Variants in UBR3 observed in about 807,000 individuals in gnomAD.
The protein encoded by UBR3 is ubiquitin protein ligase E3 component n-recognin 3.
Under a neutral mutation model 243.2 loss-of-function variants are expected in UBR3, and 85 were observed. That is an observed-to-expected ratio of 0.35 (90% confidence interval 0.29 to 0.42). The LOEUF (loss-of-function observed/expected upper bound fraction) is 0.42, where lower values mean the gene tolerates loss of function less well. UBR3 is among the 10% of genes least tolerant of loss of function. The pLI, the probability that UBR3 is intolerant of heterozygous loss-of-function variation, is 1.00. For synonymous variants in UBR3, 748 were observed against 799.8 expected, an observed-to-expected ratio of 0.94 and a Z score of 1.09; for missense variants, 1,686 against 2,300.8, an observed-to-expected ratio of 0.73 and a Z score of 5.47.
At chr2:169,978,658 C>T (rs2088579037) in intron 24 of UBR3, among the ~76,000 whole-genome samples, 1 of 151,902 alleles carries the variant, frequency 6.6e-6, no homozygotes, top group Non-Finnish European at 1.5e-5. Flanking sequence ...CTCTGTGATC[C>T]CAGGTGCAGT....
intron 1 of UBR3, among the ~76,000 whole-genome samples, chr2:169,833,007 T>C (rs1223764748): frequency 6.6e-6 from 1 of 152,010 alleles, no homozygotes; most frequent in Non-Finnish European, 1.5e-5. Flanking sequence ...TAAAATACAC[T>C]CGTTCCTCAG....
intron 36 of UBR3, chr2:170,078,340 G>A (rs986470228): frequency 7.6e-6 from 2 of 262,276 alleles, no homozygotes; most frequent in Admixed American, 5.6e-5. Context: ...TCAATTTTTG[G>A]GTCTCAGAGA....
Position 169,933,093 on chromosome 2 carries a change from T to C in UBR3, c.2663+85T>C, listed in dbSNP as rs535778137. 3 of 884,084 alleles carry C rather than the reference T, an allele frequency of 3.4e-6. No individual in the cohort carries two copies. In the East Asian group the frequency reaches 9.3e-5, roughly 28 times the overall value. 54.8% of individuals were successfully genotyped at this position (884,084 alleles called of 1,614,324 possible). ...CAGTGATAACACAGATATGATATGC[T>C]CTCATTAAAGTATACTTTCATTCTT... On this transcript the variant is annotated intron_variant, in intron 19 of 38. Coordinates refer to ENST00000272793, the MANE Select transcript of UBR3 (RefSeq NM_172070.4).
chr2:169,903,164 T>G (rs2084894010), intron 8 of UBR3, among the ~76,000 whole-genome samples: 1 of 152,348 alleles, frequency 6.6e-6, no homozygotes, highest in South Asian at 2.1e-4. Flanking sequence ...ATATCTGTAA[T>G]GAGGAAAGTA....
At chr2:170,002,478 A>C (rs2089747964) in intron 27 of UBR3, among the ~76,000 whole-genome samples, 1 of 152,212 alleles carries the variant, frequency 6.6e-6, no homozygotes, top group Non-Finnish European at 1.5e-5. Flanking sequence ...GTCATTAAGA[A>C]AACAGCGTCT....
chr2:169,947,387 T>C, intron 21 of UBR3, 155 bp from the exon 22 acceptor site: 2 of 545,380 alleles, frequency 3.7e-6, no homozygotes, highest in Non-Finnish European at 5.6e-6. Context: ...TTGGTTTTAT[T>C]ATTTAAATTT....
intron 1 of UBR3, among the ~76,000 whole-genome samples, chr2:169,835,993 G>GTCCCCCCCTCTCTCTCTCTC (rs1194152380): frequency 3.3e-5 from 1 of 30,728 alleles, no homozygotes; most frequent in Non-Finnish European, 6.2e-5. Context: ...TGTGTGCACT[G>GTCCCCCCCTCTCTCTCTCTC]TCTCTCTCTC....
At chr2:169,994,180 A>G (rs1559167472) in intron 25 of UBR3, 143 bp from the exon 26 acceptor site, 1 of 894,468 alleles carries the variant, frequency 1.1e-6, no homozygotes, top group East Asian at 2.6e-5. Context: ...AAACTAGAAT[A>G]CCACTTTTTT....
chr2:170,011,621 C>A (rs1574392969), intron 29 of UBR3, among the ~76,000 whole-genome samples: 1 of 125,446 alleles, frequency 8.0e-6, no homozygotes. Context: ...AGTTTTACAG[C>A]TTTTCTTTTT....
chr2:169,946,915 C>G (rs923389572), intron 21 of UBR3, among the ~76,000 whole-genome samples: 5 of 152,006 alleles, frequency 3.3e-5, no homozygotes, highest in Admixed American at 2.6e-4. Flanking sequence ...GTTTAAAGTA[C>G]TTAAAAGTTG....
At chr2:169,932,755 A>C (rs2086183901) in intron 18 of UBR3, among the ~76,000 whole-genome samples, 157 bp from the exon 19 acceptor site, 2 of 152,236 alleles carry the variant, frequency 1.3e-5, no homozygotes, top group South Asian at 4.1e-4. Flanking sequence ...TGACTTAGAA[A>C]AGTAATCATG....
At chr2:170,015,570 C>T (rs1440796914) in intron 30 of UBR3, among the ~76,000 whole-genome samples, 3 of 131,784 alleles carry the variant, frequency 2.3e-5, no homozygotes, top group African/African-American at 8.4e-5. Flanking sequence ...TTACCTAGCA[C>T]ATAAATGTGA....
chr2:170,063,153 G>A (rs560631975), intron 35 of UBR3, among the ~76,000 whole-genome samples: 8 of 152,276 alleles, frequency 5.3e-5, no homozygotes, highest in South Asian at 2.1e-4. Flanking sequence ...GCTGGAGAGC[G>A]ATTAGAGATT....
At chr2:169,900,900 T>G (rs1014098201) in intron 8 of UBR3, among the ~76,000 whole-genome samples, 1 of 152,218 alleles carries the variant, frequency 6.6e-6, no homozygotes, top group African/African-American at 2.4e-5. Flanking sequence ...TAGCCTTAAG[T>G]TATGCCTGTT....
rs955678266 is a variant in UBR3 at position 169,942,466 on chromosome 2, A to C, written c.2664-27A>C. ...CAGTTTGATTTTGAGGCTATCATCTAATTCTAGTTTTGTTTTATTTTTACA... is the reference window on the plus strand; with the variant it reads ...CAGTTTGATTTTGAGGCTATCATCTCATTCTAGTTTTGTTTTATTTTTACA... On this transcript the variant is annotated intron_variant, in intron 19 of 38. Transcript: ENST00000272793. The C allele has an allele frequency of 1.5e-5, 23 of 1,524,458 alleles. No homozygotes were observed. In the East Asian group the frequency reaches 5.2e-4, roughly 34 times the overall value. 94.4% of individuals were successfully genotyped at this position (1,524,458 alleles called of 1,614,324 possible).
chr2:170,051,820 T>C (rs1201195860), intron 32 of UBR3, among the ~76,000 whole-genome samples: 1 of 152,208 alleles, frequency 6.6e-6, no homozygotes, highest in East Asian at 1.9e-4. Flanking sequence ...CATTAAATGA[T>C]GGAATATTTT....
At chr2:169,836,287 A>T (rs997665370) in intron 1 of UBR3, among the ~76,000 whole-genome samples, 1 of 150,346 alleles carries the variant, frequency 6.7e-6, no homozygotes, top group African/African-American at 2.5e-5. Context: ...GTTTCACCAT[A>T]TTGGCCAGGC....
At position 170,083,351 on chromosome 2, in the gene UBR3, G is replaced by A. The variant is rs1325540633; in HGVS notation, c.*1508G>A. On this transcript the variant is annotated 3_prime_UTR_variant, in exon 39 of 39. Coordinates refer to ENST00000272793, the MANE Select transcript of UBR3 (RefSeq NM_172070.4). ...CCTATCGTTCTACAATAAAATACAT[G>A]GAAATAGCTTGCTATTTTTATATAC... 1 of 152,470 alleles carries A rather than the reference G, an allele frequency of 6.6e-6. No individual in the cohort carries two copies. The highest frequency in any genetic ancestry group is 2.4e-5 in the African/African-American group (1 of 41,420). The allele number at this position is 152,470 out of a possible 1,614,324, so 9.4% of individuals were successfully genotyped here.
chr2:170,074,622 C>G (rs1400280845), intron 36 of UBR3, among the ~76,000 whole-genome samples: 1 of 152,164 alleles, frequency 6.6e-6, no homozygotes, highest in Non-Finnish European at 1.5e-5. Context: ...ACTAAAGCAA[C>G]CTTCCTACCC....
Sources: allele counts gnomAD v4.1 joint callset (sites outside exome capture counted in the v4.1 genomes callset), GRCh38; gene constraint gnomAD v4.1.1; transcripts MANE v1.5; gene names NCBI Gene and HGNC (gene_info 2026-07-23, HGNC 2026-07-21).